Variants in MAP6 observed in about 807,000 individuals in gnomAD.
MAP6 encodes the protein microtubule-associated protein 6.
A neutral mutation model predicts 42.4 loss-of-function variants in MAP6; 26 were observed. The ratio of observed to expected loss-of-function variants is 0.61; its 90% confidence interval spans 0.45 to 0.85. The LOEUF (loss-of-function observed/expected upper bound fraction) is 0.85, where lower values mean the gene tolerates loss of function less well. Among genes scored for constraint, MAP6 ranks in the 40% least tolerant of loss-of-function variants. MAP6 has a pLI of 0.00. For synonymous variants in MAP6, 418 were observed against 443.8 expected (o/e 0.94, Z 0.73); for missense variants, 966 against 1,099.0 (o/e 0.88, Z 1.71).
chr11:75,623,425 T>G (rs963882623), intron 1 of MAP6, among the ~76,000 whole-genome samples: 1 of 152,194 alleles, frequency 6.6e-6, no homozygotes, highest in African/African-American at 2.4e-5. Flanking sequence ...CATTTTATGT[T>G]ATGTGAATGA....
intron 1 of MAP6, among the ~76,000 whole-genome samples, chr11:75,633,392 T>C (rs889519445): frequency 2.6e-5 from 4 of 152,184 alleles, no homozygotes; most frequent in African/African-American, 9.7e-5. Flanking sequence ...GACATGCTAG[T>C]GAGAGATGCT....
chr11:75,604,874 G>A (rs1942730031), intron 3 of MAP6: 1 of 985,512 alleles, frequency 1.0e-6, no homozygotes, highest in Non-Finnish European at 1.2e-6. Context: ...CAGGAAGGGA[G>A]AGTAAACATC....
intron 2 of MAP6, 119 bp from the exon 3 acceptor site, chr11:75,606,123 G>A (rs1942769093): frequency 8.6e-7 from 1 of 1,166,020 alleles, no homozygotes; most frequent in Non-Finnish European, 1.2e-6. Context: ...GTTGGCTCAG[G>A]TGGAGCACAG....
intron 1 of MAP6, among the ~76,000 whole-genome samples, chr11:75,642,045 A>C (rs1346165159): frequency 6.6e-6 from 1 of 152,242 alleles, no homozygotes; most frequent in Non-Finnish European, 1.5e-5. Context: ...ATTACACTAA[A>C]ATTAAAGTAA....
At chr11:75,651,212 T>C (rs1258039468) in intron 1 of MAP6, among the ~76,000 whole-genome samples, 2 of 152,194 alleles carry the variant, frequency 1.3e-5, no homozygotes, top group African/African-American at 4.8e-5. Context: ...AACAAGTGAC[T>C]AAAGTAATGC....
intron 3 of MAP6, chr11:75,599,155 G>A (rs1439774414): frequency 2.0e-5 from 3 of 152,114 alleles, no homozygotes; most frequent in African/African-American, 4.8e-5. Context: ...AGCAAGCAGT[G>A]GCAGTAACTT....
At chr11:75,644,983 G>A (rs1354144116) in intron 1 of MAP6, among the ~76,000 whole-genome samples, 1 of 152,168 alleles carries the variant, frequency 6.6e-6, no homozygotes, top group Non-Finnish European at 1.5e-5. Flanking sequence ...TCTGGAACTG[G>A]TCGAATGAGA....
intron 1 of MAP6, among the ~76,000 whole-genome samples, chr11:75,649,755 G>A (rs1052182182): frequency 1.3e-5 from 2 of 151,984 alleles, no homozygotes; most frequent in African/African-American, 2.4e-5. Flanking sequence ...TGGCCAGGCT[G>A]GTCTTGAACT....
chr11:75,636,954 C>T (rs561266226), intron 1 of MAP6, among the ~76,000 whole-genome samples: 12 of 152,264 alleles, frequency 7.9e-5, no homozygotes, highest in African/African-American at 2.4e-4. Context: ...TCTCCTGATC[C>T]GCTGGCCTCA....
intron 1 of MAP6, among the ~76,000 whole-genome samples, chr11:75,663,022 C>T (rs1565283723): frequency 6.6e-6 from 1 of 150,616 alleles, no homozygotes; most frequent in Non-Finnish European, 1.5e-5. Context: ...AGGACAGTGG[C>T]ATGATCTTGG....
Position 75,667,386 on chromosome 11 carries a change from TGG to T in MAP6, c.905+77_905+78del. On this transcript the variant is annotated intron_variant, in intron 1 of 3. Coordinates refer to ENST00000304771, the MANE Select transcript of MAP6 (RefSeq NM_033063.2). This position sits in a 1 kb window ranked among gnomAD's most constrained non-coding sequence, Gnocchi z 5.6. ...GGGAGGCTGCACGCTAGGCCTGCGC[TGG>T]GGATCCTGGGCCCCGGGCAGCCCGC... is the stretch of plus-strand genomic sequence containing the variant. 7.7e-7 allele frequency: 1 copy of T among 1,303,048 alleles called. No individual in the cohort carries two copies. Among genetic ancestry groups the T allele is most frequent in the Non-Finnish European group, 1.0e-6 (1 of 1,003,250 alleles). 80.7% of individuals were successfully genotyped at this position (1,303,048 alleles called of 1,614,324 possible).
chr11:75,599,555 C>T (rs1477127887), intron 3 of MAP6, among the ~76,000 whole-genome samples: 1 of 152,170 alleles, frequency 6.6e-6, no homozygotes. Context: ...ACGTCTGAGC[C>T]AGATGTATAT....
Position 75,644,687 on chromosome 11 carries a change from A to C in MAP6, c.905+22778T>G, listed in dbSNP as rs570224738. ...TACTGGTATTCCTAGACAGTGATAT[A>C]AGACAAAATTGAAGAAATAAGAGGA... On this transcript the variant is annotated intron_variant, in intron 1 of 3. Transcript: ENST00000304771. 4.6e-5 allele frequency among the ~76,000 whole-genome samples: 7 copies of C among 152,310 alleles called. No homozygotes were observed. In the South Asian group the frequency reaches 1.5e-3, roughly 32 times the overall value.
chr11:75,645,669 C>T (rs61895134), intron 1 of MAP6, among the ~76,000 whole-genome samples: 7,680 of 152,028 alleles, frequency 0.051, 244 homozygotes, highest in East Asian at 0.14. Flanking sequence ...GTTTAAAAAG[C>T]TTAAAGACTT....
intron 3 of MAP6, chr11:75,599,101 G>A (rs1393739807): frequency 1.3e-5 from 2 of 152,212 alleles, no homozygotes; most frequent in South Asian, 2.1e-4. Context: ...ACGGGGTGAC[G>A]TGGTCAGATT....
chr11:75,596,848 C>T (rs1028784391), intron 3 of MAP6, among the ~76,000 whole-genome samples: 10 of 152,146 alleles, frequency 6.6e-5, no homozygotes, highest in South Asian at 2.1e-4. Context: ...TTTCCATAGA[C>T]GAGAGTATGG....
chr11:75,594,880 G>A (rs920364367), intron 3 of MAP6, among the ~76,000 whole-genome samples: 8 of 152,114 alleles, frequency 5.3e-5, no homozygotes, highest in Non-Finnish European at 7.3e-5. Flanking sequence ...CAAACATGAC[G>A]CCACCACCTG....
chr11:75,593,101 C>T (rs1212198486), intron 3 of MAP6, among the ~76,000 whole-genome samples: 1 of 152,204 alleles, frequency 6.6e-6, no homozygotes, highest in Admixed American at 6.5e-5. Context: ...ACTTGCTTTC[C>T]TCTCTTATCT....
At chr11:75,664,380 T>C (rs1350841854) in intron 1 of MAP6, among the ~76,000 whole-genome samples, 1 of 152,238 alleles carries the variant, frequency 6.6e-6, no homozygotes, top group African/African-American at 2.4e-5. Flanking sequence ...TATTTATGAC[T>C]GTAAATTGTA....
Sources: gnomAD v4.1 joint callset for allele counts (sites outside exome capture counted in the v4.1 genomes callset) on GRCh38, gnomAD v4.1.1 for gene constraint, Gnocchi (gnomAD v3.1) non-coding constraint, MANE v1.5 for transcripts, NCBI Gene and HGNC (gene_info 2026-07-23, HGNC 2026-07-21) for gene names.